The following USP33 variants were observed in gnomAD, a reference collection of about 807,000 sequenced individuals.
USP33 encodes the protein ubiquitin specific peptidase 33, also known as ubiquitin carboxyl-terminal hydrolase 33.
In USP33, 46 loss-of-function variants were observed where a neutral mutation model predicts 124.2. That is an observed-to-expected ratio of 0.37 (90% confidence interval 0.29 to 0.47). The LOEUF is 0.47. USP33 is among the 20% of genes least tolerant of loss of function. The probability of loss-of-function intolerance (pLI) is 0.99; values close to 1 mark genes in which losing one functional copy is unlikely to be tolerated. For missense variants in USP33, 851 were observed against 1,070.6 expected (o/e 0.79, Z 2.86); for synonymous variants, 350 against 352.3 (o/e 0.99, Z 0.07).
chr1:77,709,004 G>A (rs1324080352), intron 21 of USP33, among the ~76,000 whole-genome samples: 2 of 152,052 alleles, frequency 1.3e-5, no homozygotes, highest in African/African-American at 4.8e-5. Flanking sequence ...CATTTCTAAT[G>A]ATGCTCATTT....
chr1:77,697,593 A>T, intron 23 of USP33, 119 bp from the exon 24 acceptor site: 1 of 1,219,574 alleles, frequency 8.2e-7, no homozygotes, highest in South Asian at 1.6e-5. Context: ...CTGGAACATG[A>T]ATCTGCAGAC....
At chr1:77,723,786 T>C (rs1676848680) in intron 11 of USP33, among the ~76,000 whole-genome samples, 1 of 152,030 alleles carries the variant, frequency 6.6e-6, no homozygotes, top group African/African-American at 2.4e-5. Context: ...TACCTTAGCC[T>C]CCCAAGTAGC....
At chr1:77,722,283 G>A in intron 12 of USP33, 87 bp from the exon 13 acceptor site, 4 of 1,269,500 alleles carry the variant, frequency 3.2e-6, no homozygotes, top group Admixed American at 2.7e-5. Flanking sequence ...AAAGATCAAA[G>A]CATGTTTAAA....
At chr1:77,748,640 T>C (rs1384958960) in intron 1 of USP33, among the ~76,000 whole-genome samples, 2 of 149,182 alleles carry the variant, frequency 1.3e-5, no homozygotes, top group Non-Finnish European at 3.0e-5. Context: ...CTGCACTCCA[T>C]CCTGGCGACA....
intron 1 of USP33, among the ~76,000 whole-genome samples, chr1:77,746,751 T>C (rs2101583527): frequency 6.6e-6 from 1 of 152,222 alleles, no homozygotes; most frequent in East Asian, 1.9e-4. Context: ...ACATAATCCA[T>C]CATATAAACA....
chr1:77,758,922 T>C (rs573647716), intron 1 of USP33, among the ~76,000 whole-genome samples: 5 of 152,332 alleles, frequency 3.3e-5, no homozygotes, highest in Non-Finnish European at 7.4e-5. Flanking sequence ...TATGAGAATG[T>C]AAACTCCAAC....
chr1:77,719,489 C>T (rs988259986), intron 15 of USP33, among the ~76,000 whole-genome samples: 2 of 152,162 alleles, frequency 1.3e-5, no homozygotes, highest in African/African-American at 4.8e-5. Flanking sequence ...GCCTTTAAAA[C>T]ATCTAGATAT....
Position 77,717,871 on chromosome 1 carries a change from T to C in USP33, c.1914A>G (p.Ala638=), listed in dbSNP as rs977739371. 1 of 1,607,924 alleles carries C rather than the reference T, an allele frequency of 6.2e-7. No homozygotes were observed. Among genetic ancestry groups the C allele is most frequent in the Non-Finnish European group, 8.5e-7 (1 of 1,177,838 alleles). Residue 638 remains alanine (A), a synonymous_variant, in exon 17 of 24, where the codon GCA becomes GCG. Coordinates refer to ENST00000370794, the MANE Select transcript of USP33 (RefSeq NM_201624.3). ...CTGTTAAACCTATATACTTACTACTTGCAGTTCCATGATGGCAAATGACTG... is the reference window on the plus strand; with the variant it reads ...CTGTTAAACCTATATACTTACTACTCGCAGTTCCATGATGGCAAATGACTG... The part of the protein sequence containing the change: ...LLSVICHHGT[A]SSGHYIAYCR...
At chr1:77,754,606 A>C (rs1299306424) in intron 1 of USP33, among the ~76,000 whole-genome samples, 1 of 152,086 alleles carries the variant, frequency 6.6e-6, no homozygotes, top group Non-Finnish European at 1.5e-5. Flanking sequence ...AAGATCCCAC[A>C]AAGTCCTATA....
chr1:77,697,555 T>C, intron 23 of USP33, 81 bp from the exon 24 acceptor site: 1 of 1,460,354 alleles, frequency 6.8e-7, no homozygotes, highest in Non-Finnish European at 9.2e-7. Flanking sequence ...CCCCCCAGCA[T>C]GAATCTTCTC....
At chr1:77,707,400 G>A (rs1674750960) in intron 21 of USP33, among the ~76,000 whole-genome samples, 1 of 152,136 alleles carries the variant, frequency 6.6e-6, no homozygotes, top group Admixed American at 6.6e-5. Flanking sequence ...TCTCTCTGCT[G>A]TGTATCTCTG....
At chr1:77,741,264 A>G in intron 3 of USP33, 112 bp downstream of exon 3, 1 of 1,040,474 alleles carries the variant, frequency 9.6e-7, no homozygotes, top group Non-Finnish European at 1.4e-6. Flanking sequence ...TTTTAAAAGC[A>G]AGTTTAATTT....
intron 21 of USP33, among the ~76,000 whole-genome samples, chr1:77,709,251 G>A (rs1407032450): frequency 1.3e-5 from 2 of 152,144 alleles, no homozygotes; most frequent in African/African-American, 4.8e-5. Flanking sequence ...GTTTATGCTT[G>A]TAATCCCAGA....
At chr1:77,731,470 C>G (rs1204791253) in intron 7 of USP33, among the ~76,000 whole-genome samples, 1 of 152,026 alleles carries the variant, frequency 6.6e-6, no homozygotes, top group African/African-American at 2.4e-5. Context: ...AAATCCTGAC[C>G]TACATAAACC....
rs1290204448 is a variant in USP33, at chr1:77,721,889, A to C, written c.1599T>G (p.Gly533=). The C allele has an allele frequency of 6.2e-7, 1 of 1,610,290 alleles. No homozygotes were observed. The highest frequency in any genetic ancestry group is 8.5e-7 in the Non-Finnish European group (1 of 1,179,114). The part of the protein sequence containing the change: ...VVSCVPSWFW[G]PVVTLQDCLA... ...GACAATCTTGCAAGGTTACTACTGGACCCCAAAACCAGCTAGGGACACATG... is the reference window on the plus strand; with the variant it reads ...GACAATCTTGCAAGGTTACTACTGGCCCCCAAAACCAGCTAGGGACACATG... The change falls in exon 14 of 24, where the codon GGT becomes GGG. Residue 533 remains glycine (G), a synonymous_variant. Transcript: ENST00000370794.
chr1:77,731,756 G>A (rs1205291844), intron 7 of USP33, among the ~76,000 whole-genome samples: 2 of 151,896 alleles, frequency 1.3e-5, no homozygotes, highest in East Asian at 3.9e-4. Context: ...GTATTGTGCA[G>A]TAATAAACAA....
At position 77,720,491 on chromosome 1, in the gene USP33, T is replaced by C. The variant is rs947905775; in HGVS notation, c.1691+681A>G. 3 of 985,326 alleles carry C rather than the reference T, an allele frequency of 3.0e-6. No homozygotes were observed. In the African/African-American group the frequency reaches 5.2e-5, roughly 17 times the overall value. 61.0% of individuals were successfully genotyped at this position (985,326 alleles called of 1,614,324 possible). ...AATAGTATACCATTCCTTTCTGTCA[T>C]GTCATGATCAGTTGCAGATCAATGT... On this transcript the variant is annotated intron_variant, in intron 15 of 23. Coordinates refer to ENST00000370794, the MANE Select transcript of USP33 (RefSeq NM_201624.3).
rs1475226780 is a variant in USP33, at chr1:77,728,340, T to C, written c.1090A>G (p.Asn364Asp). 1.2e-6 allele frequency: 2 copies of C among 1,607,882 alleles called. No individual in the cohort carries two copies. The highest frequency in any genetic ancestry group is 1.1e-5 in the South Asian group (1 of 89,072). The change falls in exon 10 of 24, where the codon AAC (asparagine) becomes GAC (aspartate). Residue 364 changes from asparagine (N) to aspartate (D), a missense_variant. Coordinates refer to ENST00000370794, the MANE Select transcript of USP33 (RefSeq NM_201624.3). ...RDSISETVDLNNQETVKVQIH... is the reference protein window; with the variant it reads ...RDSISETVDLDNQETVKVQIH... ...TGCACTTTGACAGTTTCCTGGTTGT[T>C]TAAGTCGACTGTTTCAGATATAGAG...
intron 21 of USP33, among the ~76,000 whole-genome samples, chr1:77,708,551 C>G (rs1177043111): frequency 6.6e-6 from 1 of 152,212 alleles, no homozygotes; most frequent in African/African-American, 2.4e-5. Context: ...AGGCAGACAG[C>G]TGAAATCGTT....
Sources: allele counts gnomAD v4.1 joint callset (sites outside exome capture counted in the v4.1 genomes callset), GRCh38; gene constraint gnomAD v4.1.1; transcripts MANE v1.5; gene names NCBI Gene and HGNC (gene_info 2026-07-23, HGNC 2026-07-21).